ZFAND4: variants seen among roughly 807,000 people sequenced by gnomAD.
The protein encoded by ZFAND4 is AN1-type zinc finger protein 4.
A neutral mutation model predicts 64.4 loss-of-function variants in ZFAND4; 43 were observed. The ratio of observed to expected loss-of-function variants is 0.67; its 90% CI spans 0.52 to 0.86. The LOEUF (loss-of-function observed/expected upper bound fraction) is 0.86, where lower values mean the gene tolerates loss of function less well. Ranked by LOEUF, ZFAND4 falls within the 40% of genes least tolerant of loss-of-function variation. ZFAND4 has a pLI of 0.00. For missense variants in ZFAND4, 929 were observed against 859.8 expected, an observed-to-expected ratio of 1.08 and a Z score of -1.01; for synonymous variants, 296 against 305.7, an observed-to-expected ratio of 0.97 and a Z score of 0.33.
chr10:45,656,501 C>CAAAAAAAAAAAAAA (rs541781976), intron 2 of ZFAND4, among the ~76,000 whole-genome samples: 4 of 24,706 alleles, frequency 1.6e-4, no homozygotes, highest in East Asian at 1.5e-3. Context: ...GAACCTGTCT[C>CAAAAAAAAAAAAAA]AAAAAAAAAA....
chr10:45,628,631 C>T lies in ZFAND4; in HGVS notation c.718-1526G>A, dbSNP rs528064833. Among the ~76,000 whole-genome samples, 92 of 151,988 alleles carry T rather than the reference C, an allele frequency of 6.1e-4. 1 individual carries two copies. The highest frequency in any genetic ancestry group is 3.4e-3 in the Middle Eastern group (1 of 294). ...GCCCAATCTGTAATTCTTTATCCAG[C>T]AAAAAATTCTTCAAAAATTAAGGAT... On this transcript the variant is annotated intron_variant, in intron 6 of 9. Transcript: ENST00000344646.
At chr10:45,671,255 T>C (rs2049167389) in intron 1 of ZFAND4, among the ~76,000 whole-genome samples, 1 of 152,230 alleles carries the variant, frequency 6.6e-6, no homozygotes, top group Non-Finnish European at 1.5e-5. Flanking sequence ...GTTCAACCGT[T>C]GTGGAAAACA....
Position 45,663,698 on chromosome 10 carries a change from A to G in ZFAND4, c.28T>C (p.Phe10Leu), listed in dbSNP as rs2048624089. ...AATGGTCCCATGTTATCATCATTGA[A>G]GAATGGAGGCTCTTTTCTGTTATCC... MDNRKEPPF[F>L]NDDNMGPFYY... The change falls in exon 2 of 10, where the codon TTC becomes CTC. Residue 10 changes from phenylalanine to leucine, a missense_variant. Phe to Leu is a conservative substitution (Grantham distance 22). Transcript: ENST00000344646. The G allele has an allele frequency of 1.9e-6, 3 of 1,602,468 alleles. No homozygotes were observed. The African/African-American group carries it at 4.0e-5, about 22-fold the overall frequency.
At chr10:45,664,030 GATT>G (rs1296727275) in intron 1 of ZFAND4, among the ~76,000 whole-genome samples, 188 bp from the exon 2 acceptor site, 2 of 151,992 alleles carry the variant, frequency 1.3e-5, no homozygotes, top group South Asian at 2.1e-4. Context: ...TAGACCATAA[GATT>G]ATTAAGAATA....
chr10:45,643,410 C>CCA (rs1247138775), intron 5 of ZFAND4, among the ~76,000 whole-genome samples: 1 of 151,610 alleles, frequency 6.6e-6, no homozygotes, highest in Non-Finnish European at 1.5e-5. Flanking sequence ...GTGGCTCATG[C>CCA]CTGTAATCCC....
intron 1 of ZFAND4, among the ~76,000 whole-genome samples, chr10:45,671,679 T>A (rs1216329476): frequency 6.6e-6 from 1 of 152,054 alleles, no homozygotes; most frequent in East Asian, 1.9e-4. Context: ...CTGGGGCCTG[T>A]CGTGGGGAGT....
At chr10:45,667,281 C>T (rs1200612490) in intron 1 of ZFAND4, among the ~76,000 whole-genome samples, 2 of 152,016 alleles carry the variant, frequency 1.3e-5, no homozygotes, top group East Asian at 3.8e-4. Flanking sequence ...TTTATAGAAA[C>T]ACAACCGATT....
intron 6 of ZFAND4, among the ~76,000 whole-genome samples, chr10:45,630,704 C>T (rs1382122156): frequency 2.0e-5 from 3 of 150,950 alleles, no homozygotes. Flanking sequence ...CCAGCCTGGG[C>T]GACACAGCAA....
At chr10:45,624,960 G>C (rs2045692334) in intron 7 of ZFAND4, among the ~76,000 whole-genome samples, 1 of 151,988 alleles carries the variant, frequency 6.6e-6, no homozygotes, top group Non-Finnish European at 1.5e-5. Context: ...TTGCACCACT[G>C]TGTTCCAGGA....
Position 45,663,648 on chromosome 10 carries a change from A to G in ZFAND4, c.78T>C (p.Asp26=), listed in dbSNP as rs200390055. Reference sequence around the variant, plus strand: ...ATGTTTCAATGAAGAGCTCCATGGTATCACAGAAATGAAGTCTGTAGTAAA... The same window carrying G: ...ATGTTTCAATGAAGAGCTCCATGGTGTCACAGAAATGAAGTCTGTAGTAAA... ...GPFYYRLHFC[D]TMELFIETLT... Residue 26 remains aspartate (D), a synonymous_variant, in exon 2 of 10, where the codon GAT becomes GAC. Transcript: ENST00000344646. 1 of 1,611,500 alleles carries G rather than the reference A, an allele frequency of 6.2e-7. No individual in the cohort carries two copies. Among genetic ancestry groups the G allele is most frequent in the African/African-American group, 1.3e-5 (1 of 74,906 alleles).
intron 8 of ZFAND4, among the ~76,000 whole-genome samples, chr10:45,620,617 T>C (rs1475094229): frequency 6.6e-6 from 1 of 152,208 alleles, no homozygotes. Context: ...GAGAAAACTA[T>C]TAGCAACTAC....
chr10:45,661,941 G>GA (rs766075300), intron 2 of ZFAND4, among the ~76,000 whole-genome samples: 11,271 of 100,984 alleles, frequency 0.11, 626 homozygotes, highest in African/African-American at 0.2. Context: ...CCGTCTCGAA[G>GA]AAAAAAAAAA....
intron 8 of ZFAND4, 131 bp downstream of exon 8, chr10:45,624,452 C>A: frequency 2.9e-6 from 2 of 700,090 alleles, no homozygotes. Flanking sequence ...TTGGAAAAAG[C>A]ATTTAGAGAC....
At position 45,626,310 on chromosome 10, in the gene ZFAND4, A is replaced by G. The variant is rs886208218; in HGVS notation, c.1513T>C (p.Ser505Pro). 8.1e-6 allele frequency: 13 copies of G among 1,614,062 alleles called. No homozygotes were observed. The highest frequency in any genetic ancestry group is 1.1e-5 in the South Asian group (1 of 91,074). ...KCFEFGKLQP[S>P]SSQSLDVQNI... ...TGAACATCCAGTGACTGAGAAGAAG[A>G]AGGCTGTAGCTTCCCAAACTCAAAA... Residue 505 changes from serine to proline, a missense_variant, in exon 7 of 10, where the codon TCT becomes CCT. Ser to Pro is a moderately conservative substitution (Grantham distance 74). Transcript: ENST00000344646.
rs2045874357 is a variant in ZFAND4, at chr10:45,626,916, G to A, written c.907C>T (p.Leu303Phe). ...RNGISSLATQLSAERYISSIT... is the reference protein window; with the variant it reads ...RNGISSLATQFSAERYISSIT... ...GAAGATATGTATCTCTCAGCAGAGA[G>A]TTGAGTTGCCAAACTTGAAATTCCA... Residue 303 changes from leucine (L) to phenylalanine (F), a missense_variant, in exon 7 of 10, where the codon CTC (leucine) becomes TTC (phenylalanine). Physicochemically the swap from Leu to Phe is conservative, Grantham distance 22. Coordinates refer to ENST00000344646, the MANE Select transcript of ZFAND4 (RefSeq NM_174890.4). The A allele has an allele frequency of 8.7e-6, 14 of 1,614,232 alleles. No individual in the cohort carries two copies. In the East Asian group the frequency reaches 3.1e-4, roughly 36 times the overall value.
rs2044937766 is a variant in ZFAND4, at chr10:45,616,352, C to T, written c.*84G>A. 3.9e-6 allele frequency: 6 copies of T among 1,527,830 alleles called. No homozygotes were observed. Among genetic ancestry groups the T allele is most frequent in the Admixed American group, 4.1e-5 (2 of 48,528 alleles). 94.6% of individuals were successfully genotyped at this position (1,527,830 alleles called of 1,614,324 possible). Reference sequence around the variant, plus strand: ...TGTTATTTGGCAAATCTTTTAGAGTCGAACAAAAATAATAGTCTAAACAAC... The same window carrying T: ...TGTTATTTGGCAAATCTTTTAGAGTTGAACAAAAATAATAGTCTAAACAAC... On this transcript the variant is annotated 3_prime_UTR_variant, in exon 10 of 10. Transcript: ENST00000344646.
At chr10:45,627,251 TA>T (rs1440010586) in intron 6 of ZFAND4, 146 bp from the exon 7 acceptor site, 6 of 607,526 alleles carry the variant, frequency 9.9e-6, no homozygotes, top group Non-Finnish European at 1.0e-5. Context: ...AATAAAATCT[TA>T]AGATTATGAC....
At chr10:45,668,011 G>T (rs1011250520) in intron 1 of ZFAND4, among the ~76,000 whole-genome samples, 1 of 152,042 alleles carries the variant, frequency 6.6e-6, no homozygotes, top group Admixed American at 6.6e-5. Context: ...TTTATCAAAC[G>T]CTTTTTTCAT....
At position 45,616,352 on chromosome 10, in the gene ZFAND4, C is replaced by A; in HGVS notation, c.*84G>T. 2 of 1,527,948 alleles carry A rather than the reference C, an allele frequency of 1.3e-6. No homozygotes were observed. The highest frequency in any genetic ancestry group is 2.6e-5 in the South Asian group (2 of 78,048). The allele number at this position is 1,527,948 out of a possible 1,614,324, so 94.6% of individuals were successfully genotyped here. ...TGTTATTTGGCAAATCTTTTAGAGTCGAACAAAAATAATAGTCTAAACAAC... is the reference window on the plus strand; with the variant it reads ...TGTTATTTGGCAAATCTTTTAGAGTAGAACAAAAATAATAGTCTAAACAAC... On this transcript the variant is annotated 3_prime_UTR_variant, in exon 10 of 10. Coordinates refer to ENST00000344646, the MANE Select transcript of ZFAND4 (RefSeq NM_174890.4).
Sources: allele counts gnomAD v4.1 joint callset (sites outside exome capture counted in the v4.1 genomes callset), GRCh38; gene constraint gnomAD v4.1.1; transcripts MANE v1.5; gene names NCBI Gene and HGNC (gene_info 2026-07-23, HGNC 2026-07-21).